The following TP53BP1 variants were observed in gnomAD, a reference collection of about 807,000 sequenced individuals.
TP53BP1 encodes the protein tumor protein p53 binding protein 1, also known as TP53-binding protein 1.
Under a neutral mutation model 200.8 loss-of-function variants are expected in TP53BP1, and 61 were observed. The observed-to-expected ratio is 0.30, with a 90% confidence interval of 0.25 to 0.38. The LOEUF is 0.38. TP53BP1 is among the 10% of genes least tolerant of loss of function. The pLI is 1.00. For missense variants in TP53BP1, 2,144 were observed against 2,371.9 expected (o/e 0.90, Z 2.00); for synonymous variants, 822 against 844.3 (o/e 0.97, Z 0.46).
At position 43,479,259 on chromosome 15, in the gene TP53BP1, T is replaced by C. The variant is rs1057280295; in HGVS notation, c.788+138A>G. ...CTTCATAAATAATCAACGTTTCCAATGGACCACAAGTATGCCCAGTACAAG... is the reference window on the plus strand; with the variant it reads ...CTTCATAAATAATCAACGTTTCCAACGGACCACAAGTATGCCCAGTACAAG... On this transcript the variant is annotated intron_variant, in intron 7 of 27. Transcript: ENST00000382044. 8 of 838,838 alleles carry C rather than the reference T, an allele frequency of 9.5e-6. No individual in the cohort carries two copies. The East Asian group carries it at 1.5e-4, about 16-fold the overall frequency. The allele number at this position is 838,838 out of a possible 1,614,324, so 52.0% of individuals were successfully genotyped here.
rs942328507 is a variant in TP53BP1, at chr15:43,404,345, G to A, written c.*3038C>T. ...GCTTTTCCAAGAAACTCCTCCCTCC[G>A]CCCCCATCCTCCATATGGAGAGTTG... is the stretch of plus-strand genomic sequence containing the variant. On this transcript the variant is annotated 3_prime_UTR_variant, in exon 28 of 28. Transcript: ENST00000382044. The A allele has an allele frequency of 1.7e-5, 27 of 1,582,174 alleles. No homozygotes were observed. Among genetic ancestry groups the A allele is most frequent in the African/African-American group, 1.6e-4 (12 of 74,080 alleles).
chr15:43,474,828 T>A, intron 9 of TP53BP1, 61 bp from the exon 10 acceptor site: 1 of 1,255,220 alleles, frequency 8.0e-7, no homozygotes, highest in Admixed American at 1.9e-5. Flanking sequence ...CATTTCTGTA[T>A]TTGCTTTTAC....
chr15:43,457,134 C>T lies in TP53BP1; in HGVS notation c.1474G>A (p.Val492Ile), dbSNP rs61758067. The change falls in exon 12 of 28, where the codon GTT becomes ATT. Residue 492 changes from valine (V) to isoleucine (I), a missense_variant. By Grantham distance (29) the Val-to-Ile change is conservative. This residue lies in a region of TP53BP1 where 1,700 missense variants were observed against 1,710.3 expected (regional missense o/e 0.99). Coordinates refer to ENST00000382044, the MANE Select transcript of TP53BP1 (RefSeq NM_001141980.3). ...DGDMHSSSLT[V>I]ECSKTSEIEP... ...ATCTCTGAAGTTTTAGAACACTCAA[C>T]TGTCAAAGATGAACTATGCATATCT... The T allele has an allele frequency of 2.1e-3, 3,321 of 1,614,074 alleles. 1 individual carries two copies. The highest frequency in any genetic ancestry group is 2.6e-3 in the Non-Finnish European group (3,098 of 1,179,936).
At chr15:43,476,027 G>A (rs1446983880) in intron 8 of TP53BP1, among the ~76,000 whole-genome samples, 1 of 152,150 alleles carries the variant, frequency 6.6e-6, no homozygotes, top group Non-Finnish European at 1.5e-5. Context: ...CACTTTGGGA[G>A]GCTGAGGCGG....
At chr15:43,500,549 G>C (rs991294163) in intron 1 of TP53BP1, among the ~76,000 whole-genome samples, 1 of 152,056 alleles carries the variant, frequency 6.6e-6, no homozygotes, top group Non-Finnish European at 1.5e-5. Context: ...GCCAGGCTTG[G>C]TGGCTCACAC....
Position 43,409,656 on chromosome 15 carries a change from A to T in TP53BP1, c.5391T>A (p.Asn1797Lys). The T allele has an allele frequency of 1.3e-6, 2 of 1,540,800 alleles. No homozygotes were observed. Among genetic ancestry groups the T allele is most frequent in the Non-Finnish European group, 1.8e-6 (2 of 1,141,944 alleles). Residue 1797 changes from asparagine to lysine, a missense_variant, in exon 25 of 28, where the codon AAT becomes AAA. By Grantham distance (94) the Asn-to-Lys change is moderately conservative (BLOSUM62 0). Transcript: ENST00000382044. ...AGAGYILEDF[N>K]EAQCNTAYQC... is the part of the protein sequence containing the mutation. Reference sequence around the variant, plus strand: ...CAAAGAAACTCCTCACCTGGGCTTCATTGAAATCTTCAAGGATATAGCCAG... The same window carrying T: ...CAAAGAAACTCCTCACCTGGGCTTCTTTGAAATCTTCAAGGATATAGCCAG...
At chr15:43,411,928 A>G (rs562625999) in intron 24 of TP53BP1, among the ~76,000 whole-genome samples, 20 of 151,576 alleles carry the variant, frequency 1.3e-4, no homozygotes, top group East Asian at 1.2e-3. Flanking sequence ...TAAAAGGGGG[A>G]AAAAAAAACC....
chr15:43,467,555 G>C (rs2046615402), intron 11 of TP53BP1, among the ~76,000 whole-genome samples: 1 of 152,020 alleles, frequency 6.6e-6, no homozygotes, highest in South Asian at 2.1e-4. Flanking sequence ...AAGGTCTTTG[G>C]TAAATGTTGA....
chr15:43,408,413 T>G, intron 26 of TP53BP1: 1 of 286,422 alleles, frequency 3.5e-6, no homozygotes, highest in Non-Finnish European at 6.7e-6. Flanking sequence ...CCTGGGAGGT[T>G]GAGGCTGCAG....
intron 7 of TP53BP1, among the ~76,000 whole-genome samples, 197 bp from the exon 8 acceptor site, chr15:43,477,956 T>G (rs1004610568): frequency 6.6e-6 from 1 of 152,196 alleles, no homozygotes. Context: ...AAAACCTGTC[T>G]CACTCTCTCT....
intron 4 of TP53BP1, among the ~76,000 whole-genome samples, chr15:43,487,661 T>C (rs1202176185): frequency 6.6e-6 from 1 of 151,818 alleles, no homozygotes; most frequent in East Asian, 1.9e-4. Flanking sequence ...GGCGTGATGG[T>C]GCACGGCTGT....
chr15:43,465,577 A>G (rs1179692931), intron 11 of TP53BP1, among the ~76,000 whole-genome samples: 2 of 152,124 alleles, frequency 1.3e-5, no homozygotes, highest in African/African-American at 4.8e-5. Context: ...AACAAAGGGG[A>G]AGAAATTAAA....
intron 12 of TP53BP1, among the ~76,000 whole-genome samples, chr15:43,451,555 G>A (rs2046171454): frequency 6.6e-6 from 1 of 152,152 alleles, no homozygotes. Context: ...TGGTGTATAT[G>A]TGCCACATTT....
chr15:43,492,937 G>A, intron 1 of TP53BP1, 100 bp downstream of exon 1: 1 of 553,786 alleles, frequency 1.8e-6, no homozygotes, highest in Non-Finnish European at 2.5e-6. Flanking sequence ...CGTCACCGCC[G>A]CCATGCTTGC....
upstream of TP53BP1, among the ~76,000 whole-genome samples, chr15:43,495,035 G>GA (rs1209741227): frequency 1.3e-5 from 2 of 151,674 alleles, no homozygotes; most frequent in African/African-American, 4.8e-5. Flanking sequence ...AAAAATATAC[G>GA]AAAAAAATTA....
At chr15:43,482,023 C>G (rs749523952) in intron 4 of TP53BP1, among the ~76,000 whole-genome samples, 1 of 150,378 alleles carries the variant, frequency 6.6e-6, no homozygotes, top group Non-Finnish European at 1.5e-5. Flanking sequence ...ATCAGGAGAT[C>G]GAGACCATCC....
intron 1 of TP53BP1, among the ~76,000 whole-genome samples, chr15:43,509,212 A>C: frequency 8.4e-6 from 1 of 119,760 alleles, no homozygotes; most frequent in African/African-American, 3.6e-5. Flanking sequence ...GCAGAGGTAC[A>C]GCGGAACACC....
chr15:43,473,840 G>A (rs1015494625), intron 10 of TP53BP1, among the ~76,000 whole-genome samples: 2 of 152,244 alleles, frequency 1.3e-5, no homozygotes, highest in African/African-American at 4.8e-5. Flanking sequence ...GGCTGCAGGT[G>A]GAGCTGCCTA....
rs1378072635 is a variant in TP53BP1, at chr15:43,487,607, A to C, written c.371+4062T>G. On this transcript the variant is annotated intron_variant, in intron 4 of 27. Transcript: ENST00000382044. Reference sequence around the variant, plus strand: ...CAGGAGTTCAAAACCAGTCTGATCAACATGGTGAAATCCCGCCTCTACTAA... The same window carrying C: ...CAGGAGTTCAAAACCAGTCTGATCACCATGGTGAAATCCCGCCTCTACTAA... Among the ~76,000 whole-genome samples, 10 of 152,160 alleles carry C rather than the reference A, an allele frequency of 6.6e-5. 1 individual carries two copies. In the South Asian group the frequency reaches 8.3e-4, roughly 13 times the overall value.
Sources: allele counts gnomAD v4.1 joint callset (sites outside exome capture counted in the v4.1 genomes callset), GRCh38; gene constraint gnomAD v4.1.1; regional missense constraint gnomAD v4.1.1; transcripts MANE v1.5; gene names NCBI Gene and HGNC (gene_info 2026-07-23, HGNC 2026-07-21).